The following TMEM178B variants were observed in gnomAD, a reference collection of about 807,000 sequenced individuals.
TMEM178B encodes transmembrane protein 178B.
In TMEM178B, 5 loss-of-function variants were observed where a neutral mutation model predicts 31.0. The observed-to-expected ratio is 0.16, with a 90% confidence interval of 0.08 to 0.34. TMEM178B has a LOEUF of 0.34. Ranked by LOEUF, TMEM178B falls within the 10% of genes least tolerant of loss-of-function variation. The pLI is 1.00. For missense variants in TMEM178B, 275 were observed against 400.3 expected, an observed-to-expected ratio of 0.69 and a Z score of 2.67; for synonymous variants, 164 against 164.0, an observed-to-expected ratio of 1.00 and a Z score of 0.00.
chr7:141,503,028 C>T, the TMEM178B span, among the ~76,000 whole-genome samples: 1 of 152,150 alleles, frequency 6.6e-6, no homozygotes, highest in South Asian at 2.1e-4. Flanking sequence ...TAGGTCTGAT[C>T]CATAACCCCT....
rs59281560 is a variant in TMEM178B at position 141,245,170 on chromosome 7, C to CA, written c.496+32506dup. Among the ~76,000 whole-genome samples the CA allele has an allele frequency of 2.5e-3, 58 of 23,108 alleles. 11 individuals are homozygous for CA. The highest frequency in any genetic ancestry group is 3.5e-3 in the Non-Finnish European group (41 of 11,798). The allele number at this position is 23,108 out of a possible 152,430, so 15.2% of individuals were successfully genotyped here. A position where few individuals can be genotyped will look rare whatever the true frequency, so the allele number is the denominator to read the frequency against. On this transcript the variant is annotated intron_variant, in intron 2 of 3. Transcript: ENST00000565468. ...GGGTGACAGAGCAAGACTCCATCAC[C>CA]AAAAAAAAAAAAAAAAAAAAAAAAA...
intron 2 of TMEM178B, among the ~76,000 whole-genome samples, chr7:141,404,227 C>T (rs1800839673): frequency 6.6e-6 from 1 of 152,178 alleles, no homozygotes; most frequent in African/African-American, 2.4e-5. Flanking sequence ...ATGGCGTGAA[C>T]CCAGGAAGCG....
At chr7:141,293,250 C>A (rs1798578112) in intron 2 of TMEM178B, among the ~76,000 whole-genome samples, 2 of 152,290 alleles carry the variant, frequency 1.3e-5, no homozygotes, top group South Asian at 4.1e-4. Flanking sequence ...CACCTGGGGG[C>A]TCCTCTGCTT....
At chr7:141,261,756 A>G (rs1305236519) in intron 2 of TMEM178B, among the ~76,000 whole-genome samples, 1 of 152,140 alleles carries the variant, frequency 6.6e-6, no homozygotes, top group Non-Finnish European at 1.5e-5. Flanking sequence ...AGTGAAAAGA[A>G]GTGGGAGACA....
At chr7:141,160,288 C>T (rs1388448289) in intron 1 of TMEM178B, among the ~76,000 whole-genome samples, 2 of 152,148 alleles carry the variant, frequency 1.3e-5, no homozygotes, top group African/African-American at 4.8e-5. Flanking sequence ...CTATATCTTA[C>T]CTTCTAACTC....
chr7:141,305,813 A>G (rs73737742), intron 2 of TMEM178B, among the ~76,000 whole-genome samples: 2,677 of 152,048 alleles, frequency 0.018, 80 homozygotes, highest in African/African-American at 0.061. Context: ...CCAGGTCTAA[A>G]TCTTAACCCT....
intron 1 of TMEM178B, among the ~76,000 whole-genome samples, chr7:141,086,429 T>C (rs939636800): frequency 3.3e-5 from 5 of 152,230 alleles, no homozygotes; most frequent in Non-Finnish European, 7.3e-5. Flanking sequence ...GAAGCATATG[T>C]ATATATTTCC....
At chr7:141,194,281 A>G (rs1161476108) in intron 1 of TMEM178B, among the ~76,000 whole-genome samples, 1 of 152,240 alleles carries the variant, frequency 6.6e-6, no homozygotes, top group African/African-American at 2.4e-5. Context: ...ATCTGAGACA[A>G]CACAAGTCTC....
In TMEM178B at chr7:141,422,493, C is replaced by A. The variant is rs375228400; in HGVS notation, c.497-15115C>A. On this transcript the variant is annotated intron_variant, in intron 2 of 3. Coordinates refer to ENST00000565468, the MANE Select transcript of TMEM178B (RefSeq NM_001195278.2). This position sits in a 1 kb window ranked among gnomAD's most constrained non-coding sequence, Gnocchi z 4.2. ...GCTGTAGGATGGAGTCTTTTCAAGG[C>A]GGTTTAGTCTTCATTGGCATCCACT... Among the ~76,000 whole-genome samples the A allele has an allele frequency of 1.5e-4, 23 of 152,270 alleles. No individual in the cohort carries two copies. Among genetic ancestry groups the A allele is most frequent in the African/African-American group, 4.3e-4 (18 of 41,572 alleles).
chr7:141,090,914 T>C (rs1003406861), intron 1 of TMEM178B, among the ~76,000 whole-genome samples: 2 of 152,216 alleles, frequency 1.3e-5, no homozygotes, highest in African/African-American at 4.8e-5. Context: ...CAGTCAGGGT[T>C]TTAAGGACTT....
rs1028534103 is a variant in TMEM178B, at chr7:141,470,525, T to A, written c.635-11T>A. ...ATTTCCCCATCCTGTGTCTTTTCCC[T>A]TGTCCTCCAGGAACCTTCTGCATCA... On this transcript the variant is annotated splice_polypyrimidine_tract_variant and intron_variant, in intron 3 of 3. Coordinates refer to ENST00000565468, the MANE Select transcript of TMEM178B (RefSeq NM_001195278.2). The A allele has an allele frequency of 2.0e-6, 3 of 1,503,044 alleles. No individual in the cohort carries two copies. The African/African-American group carries it at 4.2e-5, about 21-fold the overall frequency. The allele number at this position is 1,503,044 out of a possible 1,614,324, so 93.1% of individuals were successfully genotyped here.
intron 1 of TMEM178B, among the ~76,000 whole-genome samples, chr7:141,154,961 C>T (rs1796044322): frequency 6.6e-6 from 1 of 152,088 alleles, no homozygotes; most frequent in Non-Finnish European, 1.5e-5. Context: ...AACTGCTGAC[C>T]TCAAGTGATC....
chr7:141,275,585 T>A (rs1798252812), intron 2 of TMEM178B, among the ~76,000 whole-genome samples: 1 of 152,166 alleles, frequency 6.6e-6, no homozygotes, highest in African/African-American at 2.4e-5. Context: ...TGGGTGAGTT[T>A]CACTGAAGGA....
chr7:141,502,018 A>G, the TMEM178B span, among the ~76,000 whole-genome samples: 1 of 152,058 alleles, frequency 6.6e-6, no homozygotes, highest in Non-Finnish European at 1.5e-5. Context: ...AGAGAAGATG[A>G]TCCATTTTCT....
At chr7:141,270,409 G>A (rs1157292961) in intron 2 of TMEM178B, among the ~76,000 whole-genome samples, 9 of 152,062 alleles carry the variant, frequency 5.9e-5, no homozygotes, top group African/African-American at 1.4e-4. Flanking sequence ...TTCTCCTGCC[G>A]AGGGACAATA....
intron 2 of TMEM178B, among the ~76,000 whole-genome samples, chr7:141,383,202 A>T (rs2116590614): frequency 6.6e-6 from 1 of 152,192 alleles, no homozygotes; most frequent in Middle Eastern, 3.4e-3. Flanking sequence ...TAAACAAGAA[A>T]ACAGAGTAAG....
At chr7:141,089,262 G>T (rs1227213475) in intron 1 of TMEM178B, among the ~76,000 whole-genome samples, 1 of 152,194 alleles carries the variant, frequency 6.6e-6, no homozygotes, top group Non-Finnish European at 1.5e-5. Flanking sequence ...GGGAGGAAGG[G>T]CTTTAGGCTG....
intron 3 of TMEM178B, among the ~76,000 whole-genome samples, chr7:141,445,486 A>G (rs899448667): frequency 1.2e-4 from 19 of 152,354 alleles, no homozygotes; most frequent in African/African-American, 4.3e-4. Context: ...TGCTAGGATG[A>G]TGTTTCAAAG....
chr7:141,482,496 G>T (rs1048953415), downstream of TMEM178B, among the ~76,000 whole-genome samples: 6 of 152,196 alleles, frequency 3.9e-5, no homozygotes, highest in African/African-American at 9.6e-5. Flanking sequence ...GCAGCACCTG[G>T]TGAGCAGTAA....
Sources: allele counts gnomAD v4.1 joint callset (sites outside exome capture counted in the v4.1 genomes callset), GRCh38; gene constraint gnomAD v4.1.1; non-coding constraint Gnocchi (gnomAD v3.1); transcripts MANE v1.5; gene names NCBI Gene and HGNC (gene_info 2026-07-23, HGNC 2026-07-21).